The following PTGDR variants were observed in gnomAD, a reference collection of about 807,000 sequenced individuals.
PTGDR encodes the protein PGD2 receptor.
Under a neutral mutation model 17.4 loss-of-function variants are expected in PTGDR, and 19 were observed. The ratio of observed to expected loss-of-function variants is 1.09; its 90% CI spans 0.76 to 1.60. The LOEUF is 1.60. Among genes scored for constraint, PTGDR ranks in the 40% most tolerant of loss-of-function variants. PTGDR has a pLI of 0.00. For synonymous variants in PTGDR, 267 were observed against 224.2 expected (o/e 1.19, Z -1.71); for missense variants, 526 against 481.9 (o/e 1.09, Z -0.86).
downstream of PTGDR, among the ~76,000 whole-genome samples, chr14:52,278,688 A>G (rs576399461): frequency 1.1e-3 from 167 of 152,272 alleles, no homozygotes; most frequent in Non-Finnish European, 2.0e-3. Context: ...CTGATTCCCA[A>G]GTTCATCACT....
chr14:52,268,145 T>C lies in PTGDR; in HGVS notation c.331T>C (p.Phe111Leu). The change falls in exon 1 of 2, where the codon TTC becomes CTC. Residue 111 changes from phenylalanine (F) to leucine (L), a missense_variant. Coordinates refer to ENST00000306051, the MANE Select transcript of PTGDR (RefSeq NM_000953.3). ...DNSLCQAFAF[F>L]MSFFGLSSTL... ...CTCGTTGTGCCAAGCCTTCGCCTTC[T>C]TCATGTCCTTCTTTGGGCTCTCCTC... is the stretch of plus-strand genomic sequence containing the variant. 1 of 1,614,172 alleles carries C rather than the reference T, an allele frequency of 6.2e-7. No homozygotes were observed. The highest frequency in any genetic ancestry group is 8.5e-7 in the Non-Finnish European group (1 of 1,180,038).
chr14:52,272,219 G>A (rs564955616), intron 1 of PTGDR, among the ~76,000 whole-genome samples: 106 of 152,160 alleles, frequency 7.0e-4, no homozygotes, highest in Non-Finnish European at 1.4e-3. Flanking sequence ...TGTAATCGTA[G>A]CATTTTGGGA....
intron 1 of PTGDR, among the ~76,000 whole-genome samples, chr14:52,269,135 G>A (rs555413807): frequency 9.2e-5 from 14 of 152,132 alleles, no homozygotes; most frequent in Non-Finnish European, 1.9e-4. Context: ...TCTTCTCCCC[G>A]GTGTTGGCAT....
At chr14:52,280,435 G>A (rs12435147), downstream of PTGDR, among the ~76,000 whole-genome samples, 14,550 of 152,100 alleles carry the variant, frequency 0.096, 853 homozygotes, top group Middle Eastern at 0.22. Flanking sequence ...ACTGGGTCAC[G>A]CCAACCTGCA....
chr14:52,273,995 A>G (rs1420177973), intron 1 of PTGDR, among the ~76,000 whole-genome samples: 1 of 152,114 alleles, frequency 6.6e-6, no homozygotes, highest in Non-Finnish European at 1.5e-5. Flanking sequence ...CTCAGGGAAG[A>G]TCAAGACAAG....
downstream of PTGDR, among the ~76,000 whole-genome samples, chr14:52,276,890 A>G (rs565362733): frequency 5.9e-5 from 9 of 152,118 alleles, no homozygotes; most frequent in South Asian, 1.9e-3. Context: ...TCATTACTTT[A>G]CTTACATTTC....
chr14:52,268,489 CTA>C lies in PTGDR; in HGVS notation c.677_678del (p.Tyr226CysfsTer65). The C allele has an allele frequency of 6.2e-7, 1 of 1,610,808 alleles. No homozygotes were observed. Among genetic ancestry groups the C allele is most frequent in the Non-Finnish European group, 8.5e-7 (1 of 1,179,916 alleles). On this transcript the variant is annotated frameshift_variant, in exon 1 of 2. Transcript: ENST00000306051. LOFTEE classifies it high-confidence loss of function. Reference protein sequence around the residue: ...LCNLGAMRNLYAMHRRLQRHP... With the variant: ...LCNLGAMRNLXAMHRRLQRHP... ...GCAACCTCGGCGCCATGCGCAACCT[CTA>C]TGCGATGCACCGGCGGCTGCAGCGG...
intron 1 of PTGDR, chr14:52,269,408 A>G: frequency 7.0e-7 from 1 of 1,432,776 alleles, no homozygotes; most frequent in Non-Finnish European, 9.5e-7. Flanking sequence ...CAATTTGGTA[A>G]TGAGGATAGC....
chr14:52,267,867 A>C lies in PTGDR; in HGVS notation c.53A>C (p.Asn18Thr). Residue 18 changes from asparagine (N) to threonine (T), a missense_variant, in exon 1 of 2, where the codon AAC (asparagine) becomes ACC (threonine). Transcript: ENST00000306051. The stretch of plus-strand genomic sequence containing the variant: ...AACACCACCTCTGTGGAAAAAGGCA[A>C]CTCGGCGGTGATGGGCGGGGTGCTC... ...CQNTTSVEKGNSAVMGGVLFS... is the reference protein window; with the variant it reads ...CQNTTSVEKGTSAVMGGVLFS... 1 of 1,601,412 alleles carries C rather than the reference A, an allele frequency of 6.2e-7. No individual in the cohort carries two copies. Among genetic ancestry groups the C allele is most frequent in the Non-Finnish European group, 8.5e-7 (1 of 1,173,220 alleles).
downstream of PTGDR, among the ~76,000 whole-genome samples, chr14:52,278,571 C>A (rs552312293): frequency 2.8e-4 from 43 of 151,932 alleles, no homozygotes; most frequent in Non-Finnish European, 8.8e-5. Context: ...ACATATGTAA[C>A]AAACCTGCAC....
chr14:52,269,412 G>C lies in PTGDR; in HGVS notation c.846+752G>C, dbSNP rs375027147. 182 of 1,441,254 alleles carry C rather than the reference G, an allele frequency of 1.3e-4. No individual in the cohort carries two copies. The African/African-American group carries it at 2.3e-3, about 18-fold the overall frequency. The allele number at this position is 1,441,254 out of a possible 1,614,324, so 89.3% of individuals were successfully genotyped here. A position where few individuals can be genotyped will look rare whatever the true frequency, so the allele number is the denominator to read the frequency against. ...ATCTCCGGTTTCAATTTGGTAATGA[G>C]GATAGCGATGGAAATGAAATTATCT... On this transcript the variant is annotated intron_variant, in intron 1 of 1. Coordinates refer to ENST00000306051, the MANE Select transcript of PTGDR (RefSeq NM_000953.3).
chr14:52,270,537 C>T (rs1051575732), intron 1 of PTGDR, among the ~76,000 whole-genome samples: 21 of 151,720 alleles, frequency 1.4e-4, no homozygotes, highest in African/African-American at 4.6e-4. Flanking sequence ...AGCAAGACTC[C>T]ATCTAAAAAA....
chr14:52,273,351 C>G (rs571282611), intron 1 of PTGDR, among the ~76,000 whole-genome samples: 2 of 152,152 alleles, frequency 1.3e-5, no homozygotes, highest in Non-Finnish European at 2.9e-5. Flanking sequence ...GCCTCTGAAG[C>G]TCATGCCATA....
chr14:52,280,160 A>G (rs905624925), downstream of PTGDR, among the ~76,000 whole-genome samples: 1 of 152,206 alleles, frequency 6.6e-6, no homozygotes, highest in African/African-American at 2.4e-5. Context: ...CGTTGTATAA[A>G]CACCTGGGCA....
intron 1 of PTGDR, among the ~76,000 whole-genome samples, chr14:52,270,315 A>G (rs1321242408): frequency 6.6e-6 from 1 of 152,204 alleles, no homozygotes; most frequent in Non-Finnish European, 1.5e-5. Context: ...TGGGAGGCCG[A>G]GGCGGGCAGA....
rs1379621015 is a variant in PTGDR, at chr14:52,268,462, G to A, written c.648G>A (p.Leu216=). ...LMALLVLATV[L]CNLGAMRNLY... is the part of the protein sequence containing the mutation. The stretch of plus-strand genomic sequence containing the variant: ...CGCTGCTGGTCCTCGCCACCGTGCT[G>A]TGCAACCTCGGCGCCATGCGCAACC... The change falls in exon 1 of 2, where the codon CTG becomes CTA. Residue 216 remains leucine, a synonymous_variant. Coordinates refer to ENST00000306051, the MANE Select transcript of PTGDR (RefSeq NM_000953.3). 2 of 1,609,988 alleles carry A rather than the reference G, an allele frequency of 1.2e-6. No individual in the cohort carries two copies. The highest frequency in any genetic ancestry group is 1.3e-5 in the African/African-American group (1 of 75,072).
At chr14:52,274,684 G>A in intron 1 of PTGDR, 47 bp from the exon 2 acceptor site, 1 of 1,469,064 alleles carries the variant, frequency 6.8e-7, no homozygotes, top group Non-Finnish European at 9.5e-7. Flanking sequence ...ATCCATTGCT[G>A]CCATTAACCT....
Position 52,268,803 on chromosome 14 carries a change from A to C in PTGDR, c.846+143A>C, listed in dbSNP as rs61391159. 5.6e-6 allele frequency: 5 copies of C among 891,192 alleles called. No homozygotes were observed. In the East Asian group the frequency reaches 1.2e-4, roughly 22 times the overall value. 55.2% of individuals were successfully genotyped at this position (891,192 alleles called of 1,614,324 possible). On this transcript the variant is annotated intron_variant, in intron 1 of 1. Coordinates refer to ENST00000306051, the MANE Select transcript of PTGDR (RefSeq NM_000953.3). The stretch of plus-strand genomic sequence containing the variant: ...AGGAAGGTTTGCTGCTGAGTTCCCC[A>C]AATTGGATTCCTTCCACAGCCCCGA...
rs1021366663 is a variant in PTGDR, at chr14:52,275,562, T to C, written c.*598T>C. The C allele has an allele frequency of 1.3e-5, 2 of 152,474 alleles. No individual in the cohort carries two copies. The highest frequency in any genetic ancestry group is 4.8e-5 in the African/African-American group (2 of 41,374). The allele number at this position is 152,474 out of a possible 1,614,324, so 9.4% of individuals were successfully genotyped here. ...GGCTTCCCCAGCCACCATCGGGGAG[T>C]ACTTGCTGCCTCAGGTGGAGACCTG... On this transcript the variant is annotated 3_prime_UTR_variant, in exon 2 of 2. Transcript: ENST00000306051.
Sources: gnomAD v4.1 joint callset for allele counts (sites outside exome capture counted in the v4.1 genomes callset) on GRCh38, gnomAD v4.1.1 for gene constraint, MANE v1.5 for transcripts, NCBI Gene and HGNC (gene_info 2026-07-23, HGNC 2026-07-21) for gene names.